The following ETNPPL variants were observed in gnomAD, a reference collection of about 807,000 sequenced individuals.
ETNPPL encodes alanine--glyoxylate aminotransferase 2-like 1.
Under a neutral mutation model 55.5 loss-of-function variants are expected in ETNPPL, and 30 were observed. That is an observed-to-expected ratio of 0.54 (90% confidence interval 0.40 to 0.73). ETNPPL has a LOEUF of 0.73. ETNPPL is among the 30% of genes least tolerant of loss of function. The pLI is 0.00. For missense variants in ETNPPL, 528 were observed against 607.9 expected (o/e 0.87, Z 1.38); for synonymous variants, 202 against 207.2 (o/e 0.98, Z 0.21).
At chr4:108,761,779 T>C (rs977515428) in intron 1 of ETNPPL, among the ~76,000 whole-genome samples, 1 of 152,212 alleles carries the variant, frequency 6.6e-6, no homozygotes, top group Non-Finnish European at 1.5e-5. Context: ...ACTTAGCGGC[T>C]GAGAGAGATG....
At chr4:108,753,544 C>A (rs747359214) in intron 5 of ETNPPL, among the ~76,000 whole-genome samples, 2 of 152,004 alleles carry the variant, frequency 1.3e-5, no homozygotes, top group African/African-American at 4.8e-5. Context: ...GAGTTTGAGA[C>A]CAGCCTGGCC....
Position 108,762,844 on chromosome 4 carries a change from C to G in ETNPPL, c.55G>C (p.Gly19Arg). 1.9e-6 allele frequency: 3 copies of G among 1,614,124 alleles called. No individual in the cohort carries two copies. The highest frequency in any genetic ancestry group is 2.5e-6 in the Non-Finnish European group (3 of 1,179,952). The change falls in exon 1 of 13, where the codon GGG becomes CGG. Residue 19 changes from glycine (G) to arginine (R), a missense_variant and splice_region_variant. Physicochemically the swap from Gly to Arg is moderately radical, Grantham distance 125. Transcript: ENST00000296486. ...ACTTCCGGGCCAGGGTGCCCTTACC[C>G]GATGTGCTTCTTCCTCAGCCCCAGA... ...DTLGLRKKHI[G>R]PSCKVFFASD...
intron 5 of ETNPPL, among the ~76,000 whole-genome samples, chr4:108,753,673 C>T (rs1729020031): frequency 6.6e-6 from 1 of 151,510 alleles, no homozygotes; most frequent in Non-Finnish European, 1.5e-5. Context: ...ACGCTGTAAG[C>T]GGAGGTTTCA....
intron 7 of ETNPPL, among the ~76,000 whole-genome samples, chr4:108,750,495 CGTGTGTGTGTGT>C (rs3062135): frequency 1.4e-4 from 20 of 141,620 alleles, no homozygotes; most frequent in Admixed American, 3.6e-4. Context: ...TTAATACCGC[CGTGTGTGTGTGT>C]GTGTGTGTGT....
chr4:108,754,747 A>ATCTCTCTTGGAATTATTTTG, intron 4 of ETNPPL, 37 bp from the exon 5 acceptor site: 1 of 1,165,462 alleles, frequency 8.6e-7, no homozygotes, highest in Non-Finnish European at 1.3e-6. Flanking sequence ...TAATCAAAAT[A>ATCTCTCTTGGAATTATTTTG]ATTCCAAGAG....
chr4:108,746,665 C>T, intron 10 of ETNPPL, 97 bp downstream of exon 10: 1 of 1,494,492 alleles, frequency 6.7e-7, no homozygotes, highest in Non-Finnish European at 9.3e-7. Context: ...TTTAAACTTT[C>T]CTTTTTCAGA....
rs773262470 is a variant in ETNPPL at position 108,748,121 on chromosome 4, A to G, written c.966T>C (p.Ala322=). The G allele has an allele frequency of 2.5e-6, 4 of 1,609,396 alleles. No homozygotes were observed. The highest frequency in any genetic ancestry group is 1.1e-5 in the South Asian group (1 of 89,988). Residue 322 remains alanine (A), a synonymous_variant, in exon 9 of 13, where the codon GCT becomes GCC. Transcript: ENST00000296486. The part of the protein sequence containing the change: ...GNPVSCAVGL[A]VLDIIENEDL... ...CTTCATTTTCAATTATATCCAGGAC[A>G]GCCAAACCAACAGCACAAGATACTG...
At chr4:108,745,699 G>C (rs1049033006) in intron 11 of ETNPPL, among the ~76,000 whole-genome samples, 2 of 152,128 alleles carry the variant, frequency 1.3e-5, no homozygotes, top group Non-Finnish European at 2.9e-5. Flanking sequence ...GGGAGGTCGA[G>C]GTGGGTGGAT....
intron 11 of ETNPPL, among the ~76,000 whole-genome samples, chr4:108,744,470 C>A (rs1728367096): frequency 6.6e-6 from 1 of 152,028 alleles, no homozygotes; most frequent in Non-Finnish European, 1.5e-5. Flanking sequence ...CCACAAGCCA[C>A]ACTCTCTCCT....
Position 108,759,851 on chromosome 4 carries a change from T to C in ETNPPL, c.233A>G (p.Asn78Ser). The C allele has an allele frequency of 6.2e-7, 1 of 1,614,192 alleles. No individual in the cohort carries two copies. The highest frequency in any genetic ancestry group is 8.5e-7 in the Non-Finnish European group (1 of 1,180,008). Reference sequence around the variant, plus strand: ...GTCGTGGAGGAATCGAGAATTTGTATTTAGCAGTTCCATCTGTTTCAGGGC... The same window carrying C: ...GTCGTGGAGGAATCGAGAATTTGTACTTAGCAGTTCCATCTGTTTCAGGGC... ...KAALKQMELL[N>S]TNSRFLHDNI... is the part of the protein sequence containing the mutation. The change falls in exon 3 of 13, where the codon AAT becomes AGT. Residue 78 changes from asparagine to serine, a missense_variant. Physicochemically the swap from Asn to Ser is conservative, Grantham distance 46. Coordinates refer to ENST00000296486, the MANE Select transcript of ETNPPL (RefSeq NM_031279.4).
intron 6 of ETNPPL, among the ~76,000 whole-genome samples, chr4:108,751,353 G>A (rs1245882293): frequency 6.6e-6 from 1 of 152,264 alleles, no homozygotes. Context: ...CTTTGGTTAT[G>A]AACCTGTAAA....
chr4:108,759,696 G>C, intron 3 of ETNPPL, 53 bp downstream of exon 3: 2 of 1,563,468 alleles, frequency 1.3e-6, no homozygotes. Flanking sequence ...TTGTGTGCAA[G>C]AGTAGACAAA....
intron 3 of ETNPPL, among the ~76,000 whole-genome samples, chr4:108,758,820 G>A (rs1382463895): frequency 6.6e-6 from 1 of 152,208 alleles, no homozygotes; most frequent in Non-Finnish European, 1.5e-5. Flanking sequence ...GGAGGCCGAG[G>A]CGGGTGGATC....
chr4:108,758,763 C>T (rs1029581305), intron 3 of ETNPPL, among the ~76,000 whole-genome samples: 1 of 152,304 alleles, frequency 6.6e-6, no homozygotes, highest in East Asian at 1.9e-4. Flanking sequence ...TCTCTTGGGG[C>T]TCCTTCTGGC....
chr4:108,762,173 T>C, intron 1 of ETNPPL: 1 of 291,454 alleles, frequency 3.4e-6, no homozygotes, highest in Non-Finnish European at 7.0e-6. Context: ...CTAGAGCCCC[T>C]GTCGGTCTTA....
In ETNPPL at chr4:108,748,163, TAAA is replaced by T. The variant is rs33958723; in HGVS notation, c.928-7_928-5del. ...AAGATACTGGATTTCCTCCATACTG[TAAA>T]AAAAAAAAAGACAAATGAGAAAATA... On this transcript the variant is annotated splice_region_variant and splice_polypyrimidine_tract_variant and intron_variant, in intron 8 of 12. Transcript: ENST00000296486. 56 of 1,334,684 alleles carry T rather than the reference TAAA, an allele frequency of 4.2e-5. No individual in the cohort carries two copies. The highest frequency in any genetic ancestry group is 1.9e-4 in the Admixed American group (7 of 36,756). The allele number at this position is 1,334,684 out of a possible 1,614,324, so 82.7% of individuals were successfully genotyped here.
intron 5 of ETNPPL, among the ~76,000 whole-genome samples, chr4:108,753,991 T>TTTTTTG (rs1157732605): frequency 6.8e-6 from 1 of 146,234 alleles, no homozygotes. Flanking sequence ...TTTTTTTTTT[T>TTTTTTG]GAGATGGAGT....
Position 108,763,003 on chromosome 4 carries a change from T to TGCCGGGAGG in ETNPPL, c.-106_-105insCCTCCCGGC, listed in dbSNP as rs1729596320. 1 of 1,074,010 alleles carries TGCCGGGAGG rather than the reference T, an allele frequency of 9.3e-7. No individual in the cohort carries two copies. Among genetic ancestry groups the TGCCGGGAGG allele is most frequent in the African/African-American group, 1.6e-5 (1 of 64,444 alleles). The allele number at this position is 1,074,010 out of a possible 1,614,324, so 66.5% of individuals were successfully genotyped here. The stretch of plus-strand genomic sequence containing the variant: ...CGGCCCCGGCCGGCCTTCCTCCCGT[T>TGCCGGGAGG]ATCCCTCCTGGCGTTCTCTTGCCCG... On this transcript the variant is annotated 5_prime_UTR_variant, in exon 1 of 13. Transcript: ENST00000296486.
At chr4:108,762,410 G>C (rs1226250298) in intron 1 of ETNPPL, 3 of 526,284 alleles carry the variant, frequency 5.7e-6, no homozygotes, top group Non-Finnish European at 1.1e-5. Flanking sequence ...GTCAGAATTG[G>C]TTTGTTTGCG....
Sources: allele counts gnomAD v4.1 joint callset (sites outside exome capture counted in the v4.1 genomes callset), GRCh38; gene constraint gnomAD v4.1.1; transcripts MANE v1.5; gene names NCBI Gene and HGNC (gene_info 2026-07-23, HGNC 2026-07-21).